Variants in PRKN observed in about 807,000 individuals in gnomAD.
PRKN encodes parkin RBR E3 ubiquitin protein ligase.
A neutral mutation model predicts 59.5 loss-of-function variants in PRKN; 56 were observed. That is an observed-to-expected ratio of 0.94 (90% CI 0.76 to 1.18). PRKN has a LOEUF of 1.18. Among genes scored for constraint, PRKN ranks in the 50% most tolerant of loss-of-function variants. PRKN has a pLI of 0.00. For synonymous variants in PRKN, 250 were observed against 222.1 expected (o/e 1.13, Z -1.12); for missense variants, 657 against 596.4 (o/e 1.10, Z -1.06).
chr6:161,592,300 G>T lies in PRKN; in HGVS notation c.872-22884C>A, dbSNP rs577204985. On this transcript the variant is annotated intron_variant, in intron 7 of 11. Transcript: ENST00000366898. The surrounding 1 kb of genome is among the most constrained non-coding windows in gnomAD (Gnocchi z 4.8). ...TGTAGGATTTTGGATATGCAGAAAC[G>T]AATTTCTACCTTAAAGACTGAGGAG... 1.3e-5 allele frequency among the ~76,000 whole-genome samples: 2 copies of T among 152,100 alleles called. No homozygotes were observed. Among genetic ancestry groups the T allele is most frequent in the Non-Finnish European group, 2.9e-5 (2 of 68,026 alleles).
At chr6:161,980,512 G>T (rs1024974410) in intron 5 of PRKN, among the ~76,000 whole-genome samples, 22 of 152,316 alleles carry the variant, frequency 1.4e-4, no homozygotes, top group African/African-American at 4.6e-4. Context: ...AAGCACAGAA[G>T]AACTAAACAG....
intron 5 of PRKN, among the ~76,000 whole-genome samples, chr6:161,984,319 G>A (rs938377543): frequency 3.3e-5 from 5 of 152,226 alleles, no homozygotes; most frequent in African/African-American, 4.8e-5. Flanking sequence ...GTGCAGAGGC[G>A]TGACCTTGGC....
At chr6:161,856,435 A>G (rs1393701597) in intron 6 of PRKN, among the ~76,000 whole-genome samples, 3 of 152,146 alleles carry the variant, frequency 2.0e-5, no homozygotes, top group African/African-American at 7.2e-5. Context: ...AGGATGAAAA[A>G]AAGGCGCTGA....
chr6:162,445,868 T>C (rs918389968), intron 1 of PRKN, among the ~76,000 whole-genome samples: 7 of 151,726 alleles, frequency 4.6e-5, no homozygotes, highest in Admixed American at 2.0e-4. Context: ...CCGTGAACAA[T>C]AACCATGAAC....
In PRKN at chr6:162,597,889, C is replaced by T. The variant is rs546843929; in HGVS notation, c.7+129773G>A. 3.9e-5 allele frequency among the ~76,000 whole-genome samples: 6 copies of T among 152,200 alleles called. No individual in the cohort carries two copies. In the South Asian group the frequency reaches 1.0e-3, roughly 26 times the overall value. On this transcript the variant is annotated intron_variant, in intron 1 of 11. Transcript: ENST00000366898. ...AATAGAATTCATTCCTAGATAATGA[C>T]TAGTATTATTTTACAACTGTCTCTT...
At chr6:161,932,467 T>G (rs1304166760) in intron 6 of PRKN, among the ~76,000 whole-genome samples, 2 of 152,186 alleles carry the variant, frequency 1.3e-5, no homozygotes, top group African/African-American at 4.8e-5. Context: ...CATTTGATAC[T>G]CAGAAAATTT....
At chr6:161,653,107 T>TA (rs1363719306) in intron 7 of PRKN, among the ~76,000 whole-genome samples, 2 of 152,164 alleles carry the variant, frequency 1.3e-5, no homozygotes, top group African/African-American at 4.8e-5. Context: ...CTTATGCCTG[T>TA]AATCCCAGCA....
chr6:161,614,797 T>G (rs548372821), intron 7 of PRKN, among the ~76,000 whole-genome samples: 35 of 152,342 alleles, frequency 2.3e-4, no homozygotes, highest in Non-Finnish European at 5.1e-4. Flanking sequence ...CGCTTAATAT[T>G]ACTCTCCTTT....
intron 10 of PRKN, among the ~76,000 whole-genome samples, chr6:161,380,449 G>A (rs1456631441): frequency 3.3e-5 from 1 of 29,974 alleles, no homozygotes; most frequent in Non-Finnish European, 7.1e-5. Flanking sequence ...TTTTTTTTTT[G>A]GAGACAGAGT....
In PRKN at chr6:161,503,170, A is replaced by G. The variant is rs996985694; in HGVS notation, c.1083+45684T>C. ...CTGATCTCCCATGTAGAGGGAGGAGATGGGATCTGGAAGGCCTGGGTGCTA... is the reference window on the plus strand; with the variant it reads ...CTGATCTCCCATGTAGAGGGAGGAGGTGGGATCTGGAAGGCCTGGGTGCTA... On this transcript the variant is annotated intron_variant, in intron 9 of 11. Coordinates refer to ENST00000366898, the MANE Select transcript of PRKN (RefSeq NM_004562.3). The surrounding 1 kb of genome is among the most constrained non-coding windows in gnomAD (Gnocchi z 5.1). 1.2e-4 allele frequency among the ~76,000 whole-genome samples: 18 copies of G among 152,040 alleles called. No homozygotes were observed. Among genetic ancestry groups the G allele is most frequent in the Non-Finnish European group, 2.4e-4 (16 of 67,988 alleles).
intron 7 of PRKN, among the ~76,000 whole-genome samples, chr6:161,693,940 G>T (rs1453485853): frequency 6.6e-6 from 1 of 152,170 alleles, no homozygotes; most frequent in Non-Finnish European, 1.5e-5. Context: ...ACTAAGCAGT[G>T]ATGGAGAAGC....
chr6:161,770,725 C>A (rs1370491260), intron 7 of PRKN, among the ~76,000 whole-genome samples: 3 of 152,188 alleles, frequency 2.0e-5, no homozygotes, highest in African/African-American at 7.2e-5. Context: ...GCCTCAGCCT[C>A]CCAAAATGGT....
chr6:162,119,050 T>C (rs1240777843), intron 4 of PRKN, among the ~76,000 whole-genome samples: 1 of 152,174 alleles, frequency 6.6e-6, no homozygotes, highest in Non-Finnish European at 1.5e-5. Flanking sequence ...ATCAGATAGA[T>C]ATTATAGTAG....
At chr6:162,650,406 G>A (rs1180150515) in intron 1 of PRKN, among the ~76,000 whole-genome samples, 1 of 151,780 alleles carries the variant, frequency 6.6e-6, no homozygotes, top group Non-Finnish European at 1.5e-5. Flanking sequence ...GACCATCCCG[G>A]CTAAAAACGG....
intron 6 of PRKN, among the ~76,000 whole-genome samples, chr6:161,840,418 C>A (rs60638304): frequency 6.6e-6 from 1 of 152,352 alleles, no homozygotes; most frequent in African/African-American, 2.4e-5. Flanking sequence ...TGCCACATCA[C>A]AGGAGAAAAG....
At chr6:161,495,042 AAAG>A (rs1456459191) in intron 9 of PRKN, among the ~76,000 whole-genome samples, 1 of 152,254 alleles carries the variant, frequency 6.6e-6, no homozygotes, top group African/African-American at 2.4e-5. Flanking sequence ...AGGAAAGCAA[AAAG>A]AAGCAGGTGA....
chr6:161,647,089 G>A (rs1476190997), intron 7 of PRKN, among the ~76,000 whole-genome samples: 1 of 152,182 alleles, frequency 6.6e-6, no homozygotes, highest in East Asian at 1.9e-4. Flanking sequence ...ATATGGTGCA[G>A]GGGAAATTGT....
chr6:162,329,756 T>G (rs978835942), intron 2 of PRKN, among the ~76,000 whole-genome samples: 1 of 152,136 alleles, frequency 6.6e-6, no homozygotes, highest in Non-Finnish European at 1.5e-5. Context: ...ATTTTGTACA[T>G]TTTATATATG....
rs1779495558 is a variant in PRKN at position 161,538,185 on chromosome 6, C to A, written c.1083+10669G>T. Among the ~76,000 whole-genome samples the A allele has an allele frequency of 6.6e-6, 1 of 152,104 alleles. No homozygotes were observed. Among genetic ancestry groups the A allele is most frequent in the Non-Finnish European group, 1.5e-5 (1 of 68,020 alleles). ...GCTTGACAAATTACCTCCTAGAGTGCAAGAGTGAGGCTTATCTGCTTCTGA... is the reference window on the plus strand; with the variant it reads ...GCTTGACAAATTACCTCCTAGAGTGAAAGAGTGAGGCTTATCTGCTTCTGA... On this transcript the variant is annotated intron_variant, in intron 9 of 11. Transcript: ENST00000366898. This position sits in a 1 kb window ranked among gnomAD's most constrained non-coding sequence, Gnocchi z 4.2.
Sources: gnomAD v4.1 joint callset for allele counts (sites outside exome capture counted in the v4.1 genomes callset) on GRCh38, gnomAD v4.1.1 for gene constraint, Gnocchi (gnomAD v3.1) non-coding constraint, MANE v1.5 for transcripts, NCBI Gene and HGNC (gene_info 2026-07-23, HGNC 2026-07-21) for gene names.